Variants in KCNMA1 observed in about 807,000 individuals in gnomAD.
KCNMA1 encodes Calcium-activated potassium channel subunit alpha-1.
Under a neutral mutation model 140.0 loss-of-function variants are expected in KCNMA1, and 29 were observed. That is an observed-to-expected ratio of 0.21 (90% CI 0.15 to 0.28). The LOEUF (loss-of-function observed/expected upper bound fraction) is 0.28. KCNMA1 is among the 10% of genes least tolerant of loss of function. The pLI, the probability that KCNMA1 is intolerant of heterozygous loss-of-function variation, is 1.00. For missense variants in KCNMA1, 880 were observed against 1,602.2 expected, an observed-to-expected ratio of 0.55 and a Z score of 7.70; for synonymous variants, 612 against 611.9, an observed-to-expected ratio of 1.00 and a Z score of 0.00.
intron 3 of KCNMA1, among the ~76,000 whole-genome samples, chr10:77,191,827 G>C (rs66860913): frequency 0.092 from 13,922 of 152,136 alleles, 891 homozygotes; most frequent in African/African-American, 0.18. Context: ...TCCCATGCCA[G>C]CTGGTTGTTT....
In KCNMA1 at chr10:77,384,815, GTATGT is replaced by G. The variant is rs2095545434; in HGVS notation, c.540+19042_540+19046del. ...TGGTTTGCTCTCTTTCTGGAGCCACGTATGTTTGAGATCTTCCCATTCATTCATTC... is the reference window on the plus strand; with the variant it reads ...TGGTTTGCTCTCTTTCTGGAGCCACGTTGAGATCTTCCCATTCATTCATTC... On this transcript the variant is annotated intron_variant, in intron 2 of 27. Transcript: ENST00000286628. Among the ~76,000 whole-genome samples, 5 of 152,180 alleles carry G rather than the reference GTATGT, an allele frequency of 3.3e-5. No individual in the cohort carries two copies. In the South Asian group the frequency reaches 1.0e-3, roughly 32 times the overall value.
In KCNMA1 at chr10:77,135,166, T is replaced by G. The variant is rs115402512; in HGVS notation, c.809-14118A>C. Among the ~76,000 whole-genome samples, 1,216 of 152,000 alleles carry G rather than the reference T, an allele frequency of 8.0e-3. 15 individuals are homozygous for G. Among genetic ancestry groups the G allele is most frequent in the African/African-American group, 0.028 (1,160 of 41,474 alleles). On this transcript the variant is annotated intron_variant, in intron 5 of 27. Coordinates refer to ENST00000286628, the MANE Select transcript of KCNMA1 (RefSeq NM_001161352.2). ...AATAGCAAGAAAGCAAATAGCCCAA[T>G]TAAGAAATGGGCAAAGGACCTGAAT... is the stretch of plus-strand genomic sequence containing the variant.
At chr10:76,957,327 G>A (rs1301476314) in intron 20 of KCNMA1, among the ~76,000 whole-genome samples, 1 of 151,864 alleles carries the variant, frequency 6.6e-6, no homozygotes, top group African/African-American at 2.4e-5. Context: ...CTAACCTAAG[G>A]TACAGAAGAC....
chr10:77,198,568 G>GATATATATATATATATATATATATAT (rs3998087), intron 3 of KCNMA1, among the ~76,000 whole-genome samples: 3 of 138,428 alleles, frequency 2.2e-5, no homozygotes, highest in Non-Finnish European at 4.6e-5. Flanking sequence ...ATATATATGT[G>GATATATATATATATATATATATATAT]ATATATATAT....
intron 2 of KCNMA1, among the ~76,000 whole-genome samples, chr10:77,326,740 T>C (rs991602306): frequency 1.3e-5 from 2 of 152,204 alleles, no homozygotes; most frequent in Non-Finnish European, 2.9e-5. Flanking sequence ...ATTAATCACG[T>C]TACCAGGGAA....
intron 1 of KCNMA1, among the ~76,000 whole-genome samples, chr10:77,470,715 T>A (rs2098130848): frequency 6.6e-6 from 1 of 152,192 alleles, no homozygotes. Context: ...GGCTCCGCCA[T>A]CTTACTGGGG....
In KCNMA1 at chr10:76,885,625, T is replaced by C; in HGVS notation, c.*1641A>G. ...GTTTTCCTCCTCCCTTTTACCCCTATTCTATTCGATGGAATTCTTTGAAGT... is the reference window on the plus strand; with the variant it reads ...GTTTTCCTCCTCCCTTTTACCCCTACTCTATTCGATGGAATTCTTTGAAGT... On this transcript the variant is annotated 3_prime_UTR_variant, in exon 28 of 28. Transcript: ENST00000286628. 1 of 985,386 alleles carries C rather than the reference T, an allele frequency of 1.0e-6. No homozygotes were observed. The highest frequency in any genetic ancestry group is 1.2e-6 in the Non-Finnish European group (1 of 829,906). The allele number at this position is 985,386 out of a possible 1,614,324, so 61.0% of individuals were successfully genotyped here. A position where few individuals can be genotyped will look rare whatever the true frequency, so the allele number is the denominator to read the frequency against.
At chr10:77,072,190 T>C (rs775137435) in intron 14 of KCNMA1, among the ~76,000 whole-genome samples, 4 of 152,218 alleles carry the variant, frequency 2.6e-5, no homozygotes, top group Non-Finnish European at 5.9e-5. Flanking sequence ...AGGCAAGATG[T>C]AAGCCCAGAT....
At chr10:77,228,494 T>C (rs147444496) in intron 3 of KCNMA1, among the ~76,000 whole-genome samples, 6 of 152,104 alleles carry the variant, frequency 3.9e-5, no homozygotes, top group Non-Finnish European at 8.8e-5. Flanking sequence ...AGATCAGAGA[T>C]AAACAAAGAG....
At chr10:76,940,093 A>G (rs997750804) in intron 23 of KCNMA1, among the ~76,000 whole-genome samples, 18 of 152,224 alleles carry the variant, frequency 1.2e-4, no homozygotes, top group Non-Finnish European at 7.3e-5. Context: ...TCTGCTTTAT[A>G]TAATTGTCAC....
At chr10:76,877,992 G>C (rs2032783880) in intron 29 of KCNMA1, 1 of 1,158,044 alleles carries the variant, frequency 8.6e-7, no homozygotes, top group South Asian at 1.3e-5. Flanking sequence ...ACGCAAAAAG[G>C]TAATCGATAG....
chr10:77,430,922 C>T (rs1298873000), intron 1 of KCNMA1, among the ~76,000 whole-genome samples: 2 of 152,186 alleles, frequency 1.3e-5, no homozygotes, highest in African/African-American at 2.4e-5. Flanking sequence ...TTATAATTCA[C>T]AGATCGTCAC....
At chr10:77,278,188 T>C (rs1434954952) in intron 2 of KCNMA1, among the ~76,000 whole-genome samples, 4 of 152,196 alleles carry the variant, frequency 2.6e-5, no homozygotes, top group African/African-American at 9.6e-5. Context: ...GGCCACCTGA[T>C]AGGTGCTATA....
intron 5 of KCNMA1, among the ~76,000 whole-genome samples, chr10:77,156,091 G>A (rs1007461590): frequency 4.6e-5 from 7 of 151,920 alleles, no homozygotes; most frequent in African/African-American, 7.3e-5. Flanking sequence ...AGCCAGGCAC[G>A]GTGGCAGGCA....
Position 77,107,663 on chromosome 10 carries a change from G to A in KCNMA1, c.1223+818C>T, listed in dbSNP as rs535795670. ...CACTAAAATAGTTCCCGAGAAGAAA[G>A]CATTCACATTTGGGAAGCCAAACAA... On this transcript the variant is annotated intron_variant, in intron 9 of 27. Coordinates refer to ENST00000286628, the MANE Select transcript of KCNMA1 (RefSeq NM_001161352.2). Among the ~76,000 whole-genome samples the A allele has an allele frequency of 7.9e-5, 12 of 152,300 alleles. 1 individual carries two copies. Among genetic ancestry groups the A allele is most frequent in the African/African-American group, 2.9e-4 (12 of 41,574 alleles).
intron 5 of KCNMA1, among the ~76,000 whole-genome samples, chr10:77,124,315 T>C (rs1487598400): frequency 6.6e-6 from 1 of 152,202 alleles, no homozygotes; most frequent in Non-Finnish European, 1.5e-5. Context: ...TTGAGTGAGT[T>C]ACACAAATAT....
chr10:77,095,339 TA>T (rs1595846227), intron 9 of KCNMA1, among the ~76,000 whole-genome samples: 1 of 152,156 alleles, frequency 6.6e-6, no homozygotes, highest in African/African-American at 2.4e-5. Context: ...AAAGGTAACA[TA>T]AAATAGATAT....
chr10:77,411,863 G>A (rs912123918), intron 1 of KCNMA1, among the ~76,000 whole-genome samples: 1 of 152,186 alleles, frequency 6.6e-6, no homozygotes, highest in Non-Finnish European at 1.5e-5. Context: ...GCGTGGCCAA[G>A]CTGACGGGCT....
Position 77,051,814 on chromosome 10 carries a change from G to C in KCNMA1, c.1750-12177C>G, listed in dbSNP as rs149475365. Among the ~76,000 whole-genome samples, 733 of 152,278 alleles carry C rather than the reference G, an allele frequency of 4.8e-3. 7 individuals carry two copies. The highest frequency in any genetic ancestry group is 0.017 in the African/African-American group (688 of 41,558). On this transcript the variant is annotated intron_variant, in intron 14 of 27. Transcript: ENST00000286628. ...CACCTGCAAAATGAGAGCAACACTA[G>C]TACCTACCTCCTAGGGAGGCAGCTG... is the stretch of plus-strand genomic sequence containing the variant.
Sources: gnomAD v4.1 joint callset for allele counts (sites outside exome capture counted in the v4.1 genomes callset) on GRCh38, gnomAD v4.1.1 for gene constraint, MANE v1.5 for transcripts, NCBI Gene and HGNC (gene_info 2026-07-23, HGNC 2026-07-21) for gene names.